TRPC6: variants seen among roughly 807,000 people sequenced by gnomAD.
TRPC6 encodes the protein transient receptor potential cation channel subfamily C member 6.
Under a neutral mutation model 90.7 loss-of-function variants are expected in TRPC6, and 55 were observed. That is an observed-to-expected ratio of 0.61 (90% CI 0.49 to 0.76). The LOEUF (loss-of-function observed/expected upper bound fraction) is 0.76. Among genes scored for constraint, TRPC6 ranks in the 30% least tolerant of loss-of-function variants. The pLI is 0.00. For synonymous variants in TRPC6, 393 were observed against 393.0 expected, an observed-to-expected ratio of 1.00 and a Z score of 0.00; for missense variants, 989 against 1,122.7, an observed-to-expected ratio of 0.88 and a Z score of 1.70.
intron 2 of TRPC6, among the ~76,000 whole-genome samples, chr11:101,495,100 C>G (rs192130016): frequency 4.1e-4 from 63 of 152,294 alleles, no homozygotes; most frequent in Admixed American, 3.0e-3. Context: ...GGATCACACA[C>G]CTACACTGTA....
intron 1 of TRPC6, among the ~76,000 whole-genome samples, chr11:101,519,318 C>T (rs929208086): frequency 6.6e-6 from 1 of 151,530 alleles, no homozygotes; most frequent in Non-Finnish European, 1.5e-5. Flanking sequence ...AATATATACA[C>T]CTATGTACCC....
chr11:101,474,807 C>T (rs1196634441), intron 6 of TRPC6, among the ~76,000 whole-genome samples: 14 of 152,104 alleles, frequency 9.2e-5, no homozygotes, highest in Admixed American at 9.2e-4. Context: ...TCCTTAAGTA[C>T]ATAACTGGAC....
chr11:101,546,966 A>G (rs1430407970), intron 1 of TRPC6, among the ~76,000 whole-genome samples: 2 of 152,198 alleles, frequency 1.3e-5, no homozygotes, highest in African/African-American at 2.4e-5. Flanking sequence ...TACAAATGAC[A>G]TCATCCACTT....
At chr11:101,492,714 T>C (rs770186079) in intron 2 of TRPC6, among the ~76,000 whole-genome samples, 3 of 152,240 alleles carry the variant, frequency 2.0e-5, no homozygotes, top group Non-Finnish European at 4.4e-5. Flanking sequence ...CAGTTAGGCA[T>C]ACAATATACA....
intron 1 of TRPC6, among the ~76,000 whole-genome samples, chr11:101,528,796 G>A (rs949063316): frequency 6.6e-6 from 1 of 152,090 alleles, no homozygotes; most frequent in Non-Finnish European, 1.5e-5. Flanking sequence ...TCAACAGACT[G>A]AAAGATTCTT....
At chr11:101,463,240 T>C (rs1054516309) in intron 10 of TRPC6, among the ~76,000 whole-genome samples, 1 of 152,232 alleles carries the variant, frequency 6.6e-6, no homozygotes, top group African/African-American at 2.4e-5. Flanking sequence ...TTCTCATCAA[T>C]GTTCGTCAGG....
In TRPC6 at chr11:101,452,827, G is replaced by T; in HGVS notation, c.*128C>A. The T allele has an allele frequency of 9.0e-7, 1 of 1,107,164 alleles. No homozygotes were observed. The allele number at this position is 1,107,164 out of a possible 1,614,324, so 68.6% of individuals were successfully genotyped here. On this transcript the variant is annotated 3_prime_UTR_variant, in exon 13 of 13. Coordinates refer to ENST00000344327, the MANE Select transcript of TRPC6 (RefSeq NM_004621.6). ...TTAGATACTAGGGCTCCAGATGATA[G>T]GATGGCCCAAGTTATTTAACGTTTT...
intron 1 of TRPC6, among the ~76,000 whole-genome samples, chr11:101,513,617 A>G (rs1860447962): frequency 6.6e-6 from 1 of 152,200 alleles, no homozygotes; most frequent in Admixed American, 6.5e-5. Flanking sequence ...ATGATGGGTA[A>G]CCACGGCATC....
chr11:101,488,135 A>G (rs997745554), intron 4 of TRPC6, among the ~76,000 whole-genome samples: 4 of 152,228 alleles, frequency 2.6e-5, no homozygotes, highest in African/African-American at 9.6e-5. Context: ...AATTATTTCA[A>G]TCTGCCTCTC....
At chr11:101,583,203 C>T (rs201957476) in intron 1 of TRPC6, 131 bp downstream of exon 1, 14 of 1,391,640 alleles carry the variant, frequency 1.0e-5, no homozygotes, top group Non-Finnish European at 1.2e-5. Context: ...TCTCGCGGAC[C>T]TCCCAGCACC....
Position 101,472,169 on chromosome 11 carries a change from C to A in TRPC6, c.2173G>T (p.Ala725Ser). 1 of 1,611,724 alleles carries A rather than the reference C, an allele frequency of 6.2e-7. No homozygotes were observed. Among genetic ancestry groups the A allele is most frequent in the Non-Finnish European group, 8.5e-7 (1 of 1,179,300 alleles). Reference protein sequence around the residue: ...MVIVLLNMLIAMINSSFQEIE... With the variant: ...MVIVLLNMLISMINSSFQEIE... ...TCCTGGAATGAACTGTTGATCATGG[C>A]AATTAACATATTTAGCAAAACAATG... Residue 725 changes from alanine (A) to serine (S), a missense_variant, in exon 8 of 13, where the codon GCC becomes TCC. Ala to Ser is a moderately conservative substitution (Grantham distance 99). Transcript: ENST00000344327.
At chr11:101,544,097 G>A (rs1208211134) in intron 1 of TRPC6, among the ~76,000 whole-genome samples, 1 of 152,142 alleles carries the variant, frequency 6.6e-6, no homozygotes, top group African/African-American at 2.4e-5. Flanking sequence ...CTCAAAAGAA[G>A]ACATTTATGC....
At chr11:101,571,667 C>T (rs1861968084) in intron 1 of TRPC6, among the ~76,000 whole-genome samples, 1 of 152,146 alleles carries the variant, frequency 6.6e-6, no homozygotes, top group South Asian at 2.1e-4. Context: ...GGTACCAAAA[C>T]AGATATACAG....
rs11224836 is a variant in TRPC6 at position 101,543,481 on chromosome 11, G to A, written c.171-38683C>T. Among the ~76,000 whole-genome samples, 1,097 of 152,106 alleles carry A rather than the reference G, an allele frequency of 7.2e-3. 9 individuals carry two copies. Among genetic ancestry groups the A allele is most frequent in the Middle Eastern group, 0.027 (8 of 294 alleles). On this transcript the variant is annotated intron_variant, in intron 1 of 12. Coordinates refer to ENST00000344327, the MANE Select transcript of TRPC6 (RefSeq NM_004621.6). ...ACCTGACTTCAAACTATACTATAAGGCTACAGTAACCAAAACAGCATGGTA... is the reference window on the plus strand; with the variant it reads ...ACCTGACTTCAAACTATACTATAAGACTACAGTAACCAAAACAGCATGGTA...
chr11:101,468,854 CA>C (rs1247252796), intron 10 of TRPC6, among the ~76,000 whole-genome samples: 2 of 152,010 alleles, frequency 1.3e-5, no homozygotes, highest in Non-Finnish European at 2.9e-5. Context: ...ATTCCTTTAT[CA>C]TTTCTTTTCA....
chr11:101,528,051 T>C (rs1198837147), intron 1 of TRPC6, among the ~76,000 whole-genome samples: 2 of 152,122 alleles, frequency 1.3e-5, no homozygotes, highest in Non-Finnish European at 2.9e-5. Flanking sequence ...CCAGCCTAGG[T>C]GACAGAGTGA....
At chr11:101,489,220 C>T (rs544419986) in intron 3 of TRPC6, 119 bp from the exon 4 acceptor site, 2 of 961,422 alleles carry the variant, frequency 2.1e-6, no homozygotes, top group African/African-American at 1.6e-5. Context: ...AATTAAAGAA[C>T]AAACATAAAA....
chr11:101,513,588 A>AT (rs1246146456), intron 1 of TRPC6, among the ~76,000 whole-genome samples: 1 of 151,724 alleles, frequency 6.6e-6, no homozygotes, highest in African/African-American at 2.4e-5. Context: ...GCACCAAAAA[A>AT]ATGGTAAGTG....
chr11:101,570,245 C>G (rs1293691023), intron 1 of TRPC6, among the ~76,000 whole-genome samples: 2 of 152,170 alleles, frequency 1.3e-5, no homozygotes, highest in Non-Finnish European at 2.9e-5. Context: ...CTATAAACAC[C>G]TCTATGCAAA....
Sources: allele counts gnomAD v4.1 joint callset (sites outside exome capture counted in the v4.1 genomes callset), GRCh38; gene constraint gnomAD v4.1.1; transcripts MANE v1.5; gene names NCBI Gene and HGNC (gene_info 2026-07-23, HGNC 2026-07-21).